Variants in FSTL5 observed in about 807,000 individuals in gnomAD.
FSTL5 encodes the protein follistatin-related protein 5.
FSTL5 carries 62 observed loss-of-function variants against 89.1 expected under a neutral mutation model. That is an observed-to-expected ratio of 0.70 (90% confidence interval 0.57 to 0.86). The LOEUF is 0.86. Ranked by LOEUF, FSTL5 falls within the 40% of genes least tolerant of loss-of-function variation. FSTL5 has a pLI of 0.00. For synonymous variants in FSTL5, 383 were observed against 346.2 expected, an observed-to-expected ratio of 1.11 and a Z score of -1.18; for missense variants, 1,057 against 1,001.6, an observed-to-expected ratio of 1.06 and a Z score of -0.75.
chr4:161,992,965 T>TATAC (rs1201339693), intron 3 of FSTL5, among the ~76,000 whole-genome samples: 3,767 of 114,802 alleles, frequency 0.033, 335 homozygotes, highest in East Asian at 0.11. Context: ...TATATATATG[T>TATAC]GTGTATATAT....
chr4:161,538,763 T>A (rs1560943993), intron 9 of FSTL5, among the ~76,000 whole-genome samples: 1 of 151,988 alleles, frequency 6.6e-6, no homozygotes, highest in Non-Finnish European at 1.5e-5. Context: ...TTCATCAAAC[T>A]TATTATTATT....
intron 4 of FSTL5, among the ~76,000 whole-genome samples, chr4:161,872,491 C>T (rs1407664661): frequency 6.6e-6 from 1 of 152,120 alleles, no homozygotes; most frequent in East Asian, 1.9e-4. Context: ...AGTTTTTGAT[C>T]CAGGAAGTAC....
At chr4:161,498,161 A>G (rs958380408) in intron 12 of FSTL5, among the ~76,000 whole-genome samples, 35 of 152,012 alleles carry the variant, frequency 2.3e-4, no homozygotes, top group African/African-American at 7.5e-4. Flanking sequence ...ATGTGTATAC[A>G]TAGAGAAATA....
chr4:161,596,487 AATTAT>A (rs1436120416), intron 7 of FSTL5, among the ~76,000 whole-genome samples: 2 of 151,920 alleles, frequency 1.3e-5, no homozygotes, highest in African/African-American at 4.8e-5. Flanking sequence ...AAAATAATTT[AATTAT>A]ATTTTATTAA....
intron 1 of FSTL5, among the ~76,000 whole-genome samples, chr4:162,148,963 C>T (rs1733117891): frequency 6.6e-6 from 1 of 152,132 alleles, no homozygotes; most frequent in Admixed American, 6.6e-5. Context: ...TCAAACAAAA[C>T]AGTGTGAGAT....
chr4:161,406,289 G>A (rs930356380), intron 15 of FSTL5, among the ~76,000 whole-genome samples: 6 of 152,096 alleles, frequency 3.9e-5, no homozygotes, highest in Non-Finnish European at 8.8e-5. Context: ...TTTTTACTTA[G>A]AGTGTATTAA....
intron 4 of FSTL5, among the ~76,000 whole-genome samples, chr4:161,881,134 A>G (rs1292313020): frequency 6.6e-6 from 1 of 150,682 alleles, no homozygotes; most frequent in Non-Finnish European, 1.5e-5. Flanking sequence ...TGATTTGTGA[A>G]AGCAAATTAT....
At chr4:161,612,212 AG>A (rs1350453718) in intron 7 of FSTL5, among the ~76,000 whole-genome samples, 3 of 152,260 alleles carry the variant, frequency 2.0e-5, no homozygotes, top group Admixed American at 2.0e-4. Context: ...ATAAAGAGAA[AG>A]CAATAAGATA....
rs1732525135 is a variant in FSTL5 at position 161,435,429 on chromosome 4, G to T, written c.1841+19575C>A. 4.0e-5 allele frequency among the ~76,000 whole-genome samples: 6 copies of T among 151,816 alleles called. 1 individual carries two copies. In the South Asian group the frequency reaches 1.2e-3, roughly 31 times the overall value. On this transcript the variant is annotated intron_variant, in intron 15 of 15. Coordinates refer to ENST00000306100, the MANE Select transcript of FSTL5 (RefSeq NM_020116.5). ...TAATGGTTAACAGAGGCTGAAAGGT[G>T]TAACTGGGGAGGGGAAGAGGGAGAA...
chr4:161,750,024 A>G (rs1050465488), intron 6 of FSTL5, among the ~76,000 whole-genome samples: 1 of 152,086 alleles, frequency 6.6e-6, no homozygotes, highest in Non-Finnish European at 1.5e-5. Context: ...AATACATTTG[A>G]TGTAACTCTT....
At chr4:161,805,342 A>G (rs1434435406) in intron 4 of FSTL5, among the ~76,000 whole-genome samples, 3 of 152,176 alleles carry the variant, frequency 2.0e-5, no homozygotes, top group Non-Finnish European at 1.5e-5. Context: ...TGAGAAAATT[A>G]TTCCAAGAAA....
intron 11 of FSTL5, among the ~76,000 whole-genome samples, chr4:161,504,785 G>A (rs567150340): frequency 6.6e-5 from 10 of 151,976 alleles, no homozygotes; most frequent in Admixed American, 2.6e-4. Context: ...TCAATCCTTT[G>A]GGAATGGGAA....
chr4:161,966,696 C>T (rs1008895219), intron 3 of FSTL5, among the ~76,000 whole-genome samples: 3 of 152,028 alleles, frequency 2.0e-5, no homozygotes, highest in Non-Finnish European at 4.4e-5. Context: ...ACCCTTCTCT[C>T]GCTGCCCTCA....
chr4:161,734,657 G>T (rs1436839045), intron 6 of FSTL5, among the ~76,000 whole-genome samples: 3 of 151,880 alleles, frequency 2.0e-5, no homozygotes, highest in African/African-American at 7.3e-5. Context: ...AAACTAAATG[G>T]GACAAAATAA....
At chr4:161,643,548 T>C (rs1400097811) in intron 7 of FSTL5, among the ~76,000 whole-genome samples, 2 of 152,166 alleles carry the variant, frequency 1.3e-5, no homozygotes, top group East Asian at 3.8e-4. Flanking sequence ...ATCTTTAGTA[T>C]TTAGCTGAAT....
chr4:161,851,564 A>G (rs2126881211), intron 4 of FSTL5, among the ~76,000 whole-genome samples: 1 of 152,292 alleles, frequency 6.6e-6, no homozygotes, highest in Non-Finnish European at 1.5e-5. Context: ...CATACATTTA[A>G]TATATATGCA....
chr4:162,024,816 AT>A lies in FSTL5; in HGVS notation c.160+8808del, dbSNP rs971440086. 7.3e-5 allele frequency among the ~76,000 whole-genome samples: 11 copies of A among 151,222 alleles called. No individual in the cohort carries two copies. The East Asian group carries it at 1.4e-3, about 19-fold the overall frequency. ...ACACACCTGCCACCATGCTAGGCTA[AT>A]TTTTTTTTATTTTATTTTTTGTAGA... On this transcript the variant is annotated intron_variant, in intron 3 of 15. Transcript: ENST00000306100.
intron 2 of FSTL5, among the ~76,000 whole-genome samples, chr4:162,109,771 C>G (rs182897422): frequency 1.4e-3 from 215 of 152,132 alleles, no homozygotes; most frequent in African/African-American, 5.0e-3. Flanking sequence ...AACAGTGTCT[C>G]TTATGTTCAC....
intron 13 of FSTL5, among the ~76,000 whole-genome samples, chr4:161,469,794 C>T (rs982427154): frequency 6.6e-6 from 1 of 151,906 alleles, no homozygotes. Flanking sequence ...CCCACCACCA[C>T]GCCCGGCTAC....
Sources: allele counts gnomAD v4.1 joint callset (sites outside exome capture counted in the v4.1 genomes callset), GRCh38; gene constraint gnomAD v4.1.1; transcripts MANE v1.5; gene names NCBI Gene and HGNC (gene_info 2026-07-23, HGNC 2026-07-21).